EYS: variants seen among roughly 807,000 people sequenced by gnomAD.
EYS encodes the protein protein eyes shut homolog.
Under a neutral mutation model 282.1 loss-of-function variants are expected in EYS, and 250 were observed. The observed-to-expected ratio is 0.89, with a 90% CI of 0.80 to 0.98. The LOEUF is 0.98. Ranked by LOEUF, EYS falls within the 50% of genes least tolerant of loss-of-function variation. EYS has a pLI of 0.00. For missense variants in EYS, 4,016 were observed against 3,709.0 expected (o/e 1.08, Z -2.15); for synonymous variants, 1,355 against 1,282.9 (o/e 1.06, Z -1.20).
intron 14 of EYS, among the ~76,000 whole-genome samples, chr6:64,989,208 T>C (rs149998174): frequency 6.6e-6 from 1 of 150,712 alleles, no homozygotes; most frequent in African/African-American, 2.4e-5. Context: ...GTAACACAGC[T>C]GGTGAGGCCA....
At chr6:65,197,990 A>G (rs1765810141) in intron 12 of EYS, among the ~76,000 whole-genome samples, 1 of 152,106 alleles carries the variant, frequency 6.6e-6, no homozygotes, top group Non-Finnish European at 1.5e-5. Context: ...AAACTTTTAT[A>G]TATGTTTTAC....
At chr6:64,237,482 C>T (rs1766652994) in intron 30 of EYS, among the ~76,000 whole-genome samples, 1 of 152,148 alleles carries the variant, frequency 6.6e-6, no homozygotes, top group Non-Finnish European at 1.5e-5. Context: ...TAACTTGTAT[C>T]ATCTCTTGTA....
chr6:64,005,851 A>G (rs1768320666), intron 33 of EYS, among the ~76,000 whole-genome samples: 1 of 152,078 alleles, frequency 6.6e-6, no homozygotes, highest in Non-Finnish European at 1.5e-5. Context: ...TACAAGTACC[A>G]TGCTGTTTTG....
intron 22 of EYS, among the ~76,000 whole-genome samples, chr6:64,695,155 G>C (rs575631350): frequency 2.0e-5 from 3 of 152,116 alleles, no homozygotes; most frequent in Non-Finnish European, 2.9e-5. Flanking sequence ...CCTAGAGGCA[G>C]AGCATAGGAC....
chr6:64,768,469 T>C (rs1773420794), intron 22 of EYS, among the ~76,000 whole-genome samples: 1 of 152,216 alleles, frequency 6.6e-6, no homozygotes, highest in African/African-American at 2.4e-5. Flanking sequence ...TGGTATGCTT[T>C]AGTCCTTCTG....
chr6:65,242,268 A>G (rs1308744388), intron 12 of EYS, among the ~76,000 whole-genome samples: 22 of 152,038 alleles, frequency 1.4e-4, no homozygotes. Flanking sequence ...CAGGAAAAGA[A>G]TCTATTAGCA....
intron 8 of EYS, among the ~76,000 whole-genome samples, chr6:65,372,451 G>A (rs1258307905): frequency 6.6e-6 from 1 of 152,038 alleles, no homozygotes; most frequent in Non-Finnish European, 1.5e-5. Flanking sequence ...GTATTTAATT[G>A]CATAGTACCT....
At chr6:64,107,285 T>TATATATATATA (rs1773053230) in intron 31 of EYS, among the ~76,000 whole-genome samples, 2 of 101,502 alleles carry the variant, frequency 2.0e-5, no homozygotes, top group African/African-American at 7.1e-5. Context: ...ATATATATAT[T>TATATATATATA]TATATATATA....
intron 12 of EYS, among the ~76,000 whole-genome samples, chr6:65,059,940 GCA>G (rs1469972714): frequency 1.3e-5 from 2 of 151,918 alleles, no homozygotes; most frequent in African/African-American, 2.4e-5. Flanking sequence ...TCACATTCCT[GCA>G]CACAGGGGAA....
chr6:64,406,311 TC>T (rs1773705746), intron 28 of EYS, among the ~76,000 whole-genome samples: 2 of 152,108 alleles, frequency 1.3e-5, no homozygotes, highest in African/African-American at 4.8e-5. Flanking sequence ...AAAAATTAAC[TC>T]AAGATGGATT....
chr6:64,483,578 A>G (rs1179388461), intron 26 of EYS, among the ~76,000 whole-genome samples: 2 of 151,602 alleles, frequency 1.3e-5, no homozygotes, highest in African/African-American at 4.8e-5. Flanking sequence ...GGTGACCCCC[A>G]GGAATTAAAT....
intron 36 of EYS, among the ~76,000 whole-genome samples, chr6:63,836,787 C>G (rs1227300014): frequency 6.6e-6 from 1 of 151,904 alleles, no homozygotes. Context: ...GGACATAGTC[C>G]TCGTTTGACC....
intron 2 of EYS, among the ~76,000 whole-genome samples, chr6:65,558,830 G>T (rs1045964888): frequency 5.9e-5 from 9 of 152,080 alleles, no homozygotes; most frequent in Admixed American, 5.2e-4. Context: ...GTCAAATCTA[G>T]GTAAGTTCTA....
chr6:63,943,551 T>C (rs1472669588), intron 35 of EYS, among the ~76,000 whole-genome samples: 1 of 152,236 alleles, frequency 6.6e-6, no homozygotes, highest in East Asian at 1.9e-4. Flanking sequence ...GATAAGAAGA[T>C]ATGTGCAAAT....
intron 26 of EYS, among the ~76,000 whole-genome samples, chr6:64,555,913 G>GA (rs1765219026): frequency 2.0e-5 from 3 of 151,742 alleles, no homozygotes; most frequent in Non-Finnish European, 4.4e-5. Flanking sequence ...AAAAACTGCT[G>GA]AAAAGTAAAA....
At chr6:64,331,114 C>T (rs942449192) in intron 29 of EYS, among the ~76,000 whole-genome samples, 4 of 152,142 alleles carry the variant, frequency 2.6e-5, no homozygotes, top group African/African-American at 9.7e-5. Context: ...GGAACTTCGG[C>T]CCAAAGAGCT....
At chr6:65,249,218 A>G (rs1033719668) in intron 12 of EYS, among the ~76,000 whole-genome samples, 8 of 152,092 alleles carry the variant, frequency 5.3e-5, no homozygotes, top group Non-Finnish European at 1.0e-4. Flanking sequence ...GTCTAATATG[A>G]TGAACACCAA....
chr6:65,325,250 G>A (rs543716154), intron 11 of EYS, among the ~76,000 whole-genome samples: 4 of 151,974 alleles, frequency 2.6e-5, no homozygotes, highest in African/African-American at 9.7e-5. Context: ...TCTTCATCTA[G>A]CTGTGATATT....
At chr6:64,207,623 T>C (rs192843174) in intron 31 of EYS, among the ~76,000 whole-genome samples, 6 of 152,216 alleles carry the variant, frequency 3.9e-5, no homozygotes, top group African/African-American at 1.4e-4. Flanking sequence ...TTTTACAAAA[T>C]AGGGAGAATT....
Sources: allele counts gnomAD v4.1 joint callset (sites outside exome capture counted in the v4.1 genomes callset), GRCh38; gene constraint gnomAD v4.1.1; transcripts MANE v1.5; gene names NCBI Gene and HGNC (gene_info 2026-07-23, HGNC 2026-07-21).